The following RHOU variants were observed in gnomAD, a reference collection of about 807,000 sequenced individuals.
RHOU encodes rho-related GTP-binding protein RhoU.
Under a neutral mutation model 12.6 loss-of-function variants are expected in RHOU, and 8 were observed. The ratio of observed to expected loss-of-function variants is 0.64; its 90% CI spans 0.37 to 1.15. The LOEUF (loss-of-function observed/expected upper bound fraction) is 1.15, where lower values mean the gene tolerates loss of function less well. RHOU is among the 50% of genes most tolerant of loss of function. The probability of loss-of-function intolerance (pLI) is 0.01; values close to 1 mark genes in which losing one functional copy is unlikely to be tolerated. For synonymous variants in RHOU, 161 were observed against 147.4 expected, an observed-to-expected ratio of 1.09 and a Z score of -0.67; for missense variants, 258 against 347.0, an observed-to-expected ratio of 0.74 and a Z score of 2.04.
At chr1:228,670,941 G>A in the RHOU span, among the ~76,000 whole-genome samples, 1 of 152,124 alleles carries the variant, frequency 6.6e-6, no homozygotes, top group Non-Finnish European at 1.5e-5. Flanking sequence ...CATGTCTCCT[G>A]TACAGCCTAC....
chr1:228,711,467 A>C, the RHOU span, among the ~76,000 whole-genome samples: 1 of 152,174 alleles, frequency 6.6e-6, no homozygotes, highest in Non-Finnish European at 1.5e-5. Context: ...AGAGATATAG[A>C]TCAATGGAAC....
the RHOU span, among the ~76,000 whole-genome samples, chr1:228,695,840 A>G: frequency 1.3e-5 from 2 of 152,036 alleles, no homozygotes; most frequent in Non-Finnish European, 2.9e-5. Context: ...ATGATGACCA[A>G]CTCAACCTTC....
chr1:228,736,282 C>T (rs1399849283), intron 1 of RHOU, among the ~76,000 whole-genome samples: 1 of 125,220 alleles, frequency 8.0e-6, no homozygotes, highest in East Asian at 2.4e-4. Flanking sequence ...AAAAAAAAAT[C>T]TCACAATTTA....
At chr1:228,715,548 T>G in the RHOU span, among the ~76,000 whole-genome samples, 46 of 152,290 alleles carry the variant, frequency 3.0e-4, no homozygotes, top group African/African-American at 9.9e-4. Context: ...TTACTGATAT[T>G]TTCTTTATGA....
chr1:228,734,963 G>C (rs1662561477), upstream of RHOU: 1 of 152,178 alleles, frequency 6.6e-6, no homozygotes, highest in African/African-American at 2.4e-5. Context: ...AAAATCACAC[G>C]ATCAGCTGCA....
At position 228,744,229 on chromosome 1, in the gene RHOU, A is replaced by T. The variant is rs1662779661; in HGVS notation, c.*489A>T. 6.6e-6 allele frequency: 1 copy of T among 152,454 alleles called. No homozygotes were observed. The highest frequency in any genetic ancestry group is 2.4e-5 in the African/African-American group (1 of 41,420). The allele number at this position is 152,454 out of a possible 1,614,324, so 9.4% of individuals were successfully genotyped here. On this transcript the variant is annotated 3_prime_UTR_variant, in exon 3 of 3. Coordinates refer to ENST00000366691, the MANE Select transcript of RHOU (RefSeq NM_021205.6). ...TGCAAACCATGCCTTTTTTTTAAGGAGCAAAAATCTGAGAAAAAAAGTGAG... is the reference window on the plus strand; with the variant it reads ...TGCAAACCATGCCTTTTTTTTAAGGTGCAAAAATCTGAGAAAAAAAGTGAG...
upstream of RHOU, among the ~76,000 whole-genome samples, chr1:228,730,910 C>T (rs980983293): frequency 2.0e-5 from 3 of 152,040 alleles, no homozygotes; most frequent in Non-Finnish European, 4.4e-5. Context: ...TGACACCTGG[C>T]AAGGAATATG....
In RHOU at chr1:228,746,404, CA is replaced by C. The variant is rs1346495048; in HGVS notation, c.*2668del. ...TATAATTTATAAATACAGCATACTT[CA>C]AAACTGTTTGTTATCTCTTGTTACC... On this transcript the variant is annotated 3_prime_UTR_variant, in exon 3 of 3. Transcript: ENST00000366691. 3 of 152,174 alleles carry C rather than the reference CA, an allele frequency of 2.0e-5. No homozygotes were observed. Among genetic ancestry groups the C allele is most frequent in the African/African-American group, 7.2e-5 (3 of 41,432 alleles). The allele number at this position is 152,174 out of a possible 1,614,324, so 9.4% of individuals were successfully genotyped here.
the RHOU span, among the ~76,000 whole-genome samples, chr1:228,712,478 C>G: frequency 2.0e-4 from 31 of 152,002 alleles, no homozygotes; most frequent in South Asian, 5.8e-3. Flanking sequence ...TACTATTCAG[C>G]CATACAAAAT....
At chr1:228,684,895 C>T in the RHOU span, among the ~76,000 whole-genome samples, 48 of 151,898 alleles carry the variant, frequency 3.2e-4, no homozygotes, top group African/African-American at 1.1e-3. Context: ...GAATTCAGGA[C>T]GAGTTTGTAA....
the RHOU span, among the ~76,000 whole-genome samples, chr1:228,666,198 G>T: frequency 2.0e-5 from 3 of 152,172 alleles, no homozygotes; most frequent in Non-Finnish European, 4.4e-5. Context: ...GACTTCAAGT[G>T]ATCCATCCAC....
chr1:228,712,924 C>T, the RHOU span, among the ~76,000 whole-genome samples: 1 of 151,650 alleles, frequency 6.6e-6, no homozygotes, highest in African/African-American at 2.4e-5. Flanking sequence ...CATATACTGC[C>T]AGGGTCTGCC....
At chr1:228,715,171 C>A in the RHOU span, among the ~76,000 whole-genome samples, 3 of 149,788 alleles carry the variant, frequency 2.0e-5, no homozygotes, top group Non-Finnish European at 4.4e-5. Flanking sequence ...TTTTTTCTGG[C>A]TTTCTGAGCT....
chr1:228,742,494 C>G (rs1249043113), intron 2 of RHOU, among the ~76,000 whole-genome samples: 1 of 152,118 alleles, frequency 6.6e-6, no homozygotes, highest in African/African-American at 2.4e-5. Flanking sequence ...CTTATCTGTC[C>G]AAAGCACTGT....
the RHOU span, among the ~76,000 whole-genome samples, chr1:228,652,214 G>A: frequency 6.6e-6 from 1 of 152,248 alleles, no homozygotes; most frequent in Non-Finnish European, 1.5e-5. Context: ...TACTTGCTGT[G>A]TATCCTGGGT....
At chr1:228,668,222 T>C in the RHOU span, among the ~76,000 whole-genome samples, 1 of 152,240 alleles carries the variant, frequency 6.6e-6, no homozygotes, top group Non-Finnish European at 1.5e-5. Context: ...TTGAGCATCT[T>C]CTGGACCTTG....
the RHOU span, among the ~76,000 whole-genome samples, chr1:228,725,664 C>A: frequency 6.6e-6 from 1 of 152,228 alleles, no homozygotes; most frequent in Non-Finnish European, 1.5e-5. Context: ...CCTAAGGATG[C>A]TGCCATCCAT....
chr1:228,720,997 C>A, the RHOU span, among the ~76,000 whole-genome samples: 1 of 152,192 alleles, frequency 6.6e-6, no homozygotes, highest in Non-Finnish European at 1.5e-5. Flanking sequence ...TGAACTCCCA[C>A]TGTTGGCTTA....
chr1:228,736,072 G>C, intron 1 of RHOU, 68 bp downstream of exon 1: 1 of 1,465,944 alleles, frequency 6.8e-7, no homozygotes, highest in South Asian at 1.3e-5. Flanking sequence ...GGAAGGTGGC[G>C]CGAGGGTCGC....
Sources: gnomAD v4.1 joint callset for allele counts (sites outside exome capture counted in the v4.1 genomes callset) on GRCh38, gnomAD v4.1.1 for gene constraint, MANE v1.5 for transcripts, NCBI Gene and HGNC (gene_info 2026-07-23, HGNC 2026-07-21) for gene names.